The following TMEM254 variants were observed in gnomAD, a reference collection of about 807,000 sequenced individuals.
The protein encoded by TMEM254 is transmembrane protein 254.
In TMEM254, 16 loss-of-function variants were observed where a neutral mutation model predicts 13.9. The ratio of observed to expected loss-of-function variants is 1.15; its 90% CI spans 0.78 to 1.75. The LOEUF is 1.75. Ranked by LOEUF, TMEM254 falls within the 40% of genes most tolerant of loss-of-function variation. The pLI, the probability that TMEM254 is intolerant of heterozygous loss-of-function variation, is 0.00. For synonymous variants in TMEM254, 61 were observed against 56.4 expected (o/e 1.08, Z -0.36); for missense variants, 155 against 149.0 (o/e 1.04, Z -0.21).
intron 3 of TMEM254, 130 bp downstream of exon 3, chr10:80,082,334 C>A: frequency 2.0e-6 from 2 of 1,020,824 alleles, no homozygotes; most frequent in South Asian, 1.5e-5. Context: ...ATCCCCATGC[C>A]TGATACTGAG....
intron 3 of TMEM254, 74 bp from the exon 4 acceptor site, chr10:80,090,723 A>G: frequency 1.4e-6 from 2 of 1,427,594 alleles, no homozygotes; most frequent in Non-Finnish European, 1.9e-6. Context: ...AAAAATATAT[A>G]TATAGAAGAC....
rs116355437 is a variant in TMEM254 at position 80,089,023 on chromosome 10, C to G, written c.252-1774C>G. On this transcript the variant is annotated intron_variant, in intron 3 of 3. Transcript: ENST00000372281. ...TTCATTTTCTAATTGTCTGATGGTA[C>G]TTTGTATGAATATAGTCAATTTTTT... 4.8e-3 allele frequency among the ~76,000 whole-genome samples: 735 copies of G among 151,832 alleles called. 8 individuals carry two copies. The highest frequency in any genetic ancestry group is 0.017 in the African/African-American group (696 of 41,424).
chr10:80,088,876 G>A (rs112387264), intron 3 of TMEM254, among the ~76,000 whole-genome samples: 2 of 151,832 alleles, frequency 1.3e-5, no homozygotes, highest in African/African-American at 4.8e-5. Flanking sequence ...GGAATTACAG[G>A]CCTGAGCCAC....
chr10:80,079,536 G>C (rs920554971), intron 1 of TMEM254: 1 of 1,016,492 alleles, frequency 9.8e-7, no homozygotes, highest in Non-Finnish European at 1.2e-6. Flanking sequence ...AAATCTAAAG[G>C]ATGGGTAGGA....
chr10:80,086,870 G>A (rs1444532175), intron 3 of TMEM254, among the ~76,000 whole-genome samples: 1 of 151,976 alleles, frequency 6.6e-6, no homozygotes, highest in African/African-American at 2.4e-5. Flanking sequence ...AAAGTTGCTG[G>A]GCATGGTGGC....
chr10:80,087,923 CAG>C (rs1179317741), intron 3 of TMEM254, among the ~76,000 whole-genome samples: 3 of 150,216 alleles, frequency 2.0e-5, no homozygotes, highest in South Asian at 2.2e-4. Flanking sequence ...TTTTGATAAA[CAG>C]AAGTTTATCA....
chr10:80,086,231 G>A, intron 3 of TMEM254: 1 of 1,470,398 alleles, frequency 6.8e-7, no homozygotes, highest in South Asian at 1.4e-5. Flanking sequence ...TTTTAAATAG[G>A]CAAAATGAGC....
intron 1 of TMEM254, chr10:80,081,523 C>T (rs1844020363): frequency 1.5e-6 from 1 of 645,880 alleles, no homozygotes; most frequent in South Asian, 2.0e-5. Context: ...TTAAAAGTAG[C>T]TGGGCATGGT....
intron 3 of TMEM254, among the ~76,000 whole-genome samples, chr10:80,085,538 G>A (rs1375003972): frequency 6.6e-6 from 1 of 151,616 alleles, no homozygotes; most frequent in East Asian, 1.9e-4. Context: ...CTACACTTTA[G>A]CCTGGGCGAC....
intron 3 of TMEM254, among the ~76,000 whole-genome samples, chr10:80,088,628 C>CT (rs953849729): frequency 6.0e-5 from 9 of 150,956 alleles, no homozygotes; most frequent in East Asian, 2.0e-4. Context: ...TTATAAATGA[C>CT]TTTTTTTTAA....
rs147980739 is a variant in TMEM254, at chr10:80,085,079, C to T, written c.251+2875C>T. 4.0e-3 allele frequency among the ~76,000 whole-genome samples: 613 copies of T among 152,190 alleles called. 6 individuals are homozygous for T. Among genetic ancestry groups the T allele is most frequent in the African/African-American group, 0.014 (581 of 41,530 alleles). On this transcript the variant is annotated intron_variant, in intron 3 of 3. Transcript: ENST00000372281. ...TCGTAATCCGCCCACCTCGGTTTCC[C>T]AAAGTGCTGGGATTACAGACGTGAG... is the stretch of plus-strand genomic sequence containing the variant.
chr10:80,082,038 T>A lies in TMEM254; in HGVS notation c.191+94T>A. On this transcript the variant is annotated intron_variant, in intron 2 of 3. Transcript: ENST00000372281. Reference sequence around the variant, plus strand: ...GCAGCTGCCTTTTGGTATCTAAGAGTAGTGTCGGTTCACCTTAAGGCACTT... The same window carrying A: ...GCAGCTGCCTTTTGGTATCTAAGAGAAGTGTCGGTTCACCTTAAGGCACTT... The A allele has an allele frequency of 2.6e-6, 4 of 1,553,142 alleles. No individual in the cohort carries two copies. The South Asian group carries it at 4.5e-5, about 17-fold the overall frequency.
intron 1 of TMEM254, chr10:80,081,560 T>A (rs550121240): frequency 1.2e-6 from 1 of 848,952 alleles, no homozygotes; most frequent in Admixed American, 2.6e-5. Flanking sequence ...CCCATCTACT[T>A]GGGAGGCTGA....
chr10:80,078,932 C>T, intron 1 of TMEM254, 146 bp downstream of exon 1: 2 of 1,524,668 alleles, frequency 1.3e-6, no homozygotes, highest in Non-Finnish European at 1.8e-6. Flanking sequence ...GGGGAGGGGA[C>T]CAGACTCCGC....
chr10:80,081,200 G>A (rs545256419), intron 1 of TMEM254, among the ~76,000 whole-genome samples: 17 of 152,230 alleles, frequency 1.1e-4, no homozygotes, highest in Middle Eastern at 3.4e-3. Flanking sequence ...GCAGTGAGCC[G>A]TGATCAGGCC....
At chr10:80,079,253 C>A in intron 1 of TMEM254, 1 of 1,237,852 alleles carries the variant, frequency 8.1e-7, no homozygotes, top group Non-Finnish European at 1.0e-6. Context: ...GCGAGGGGAG[C>A]TCTGGGAACG....
intron 3 of TMEM254, chr10:80,086,136 G>A: frequency 1.4e-6 from 1 of 725,268 alleles, no homozygotes; most frequent in Non-Finnish European, 2.0e-6. Flanking sequence ...CTCACAAAGA[G>A]ATTTTTGCAT....
At chr10:80,085,013 AGT>A (rs1235666372) in intron 3 of TMEM254, among the ~76,000 whole-genome samples, 1 of 151,628 alleles carries the variant, frequency 6.6e-6, no homozygotes, top group African/African-American at 2.4e-5. Context: ...GTAGAGACAG[AGT>A]TTCACCATGT....
At chr10:80,082,671 T>A (rs1328335359) in intron 3 of TMEM254, among the ~76,000 whole-genome samples, 3 of 152,202 alleles carry the variant, frequency 2.0e-5, no homozygotes, top group African/African-American at 4.8e-5. Context: ...AGGAATGTGC[T>A]CTTTTTAAAA....
Sources: gnomAD v4.1 joint callset for allele counts (sites outside exome capture counted in the v4.1 genomes callset) on GRCh38, gnomAD v4.1.1 for gene constraint, MANE v1.5 for transcripts, NCBI Gene and HGNC (gene_info 2026-07-23, HGNC 2026-07-21) for gene names.